The following SLX4IP variants were observed in gnomAD, a reference collection of about 807,000 sequenced individuals.
SLX4IP encodes the protein protein SLX4IP.
SLX4IP carries 34 observed loss-of-function variants against 32.9 expected under a neutral mutation model. That is an observed-to-expected ratio of 1.03 (90% CI 0.79 to 1.38). SLX4IP has a LOEUF of 1.38. SLX4IP is among the 40% of genes most tolerant of loss of function. SLX4IP has a pLI of 0.00. For synonymous variants in SLX4IP, 172 were observed against 171.7 expected (o/e 1.00, Z -0.01); for missense variants, 444 against 479.0 (o/e 0.93, Z 0.68).
At chr20:10,552,673 T>C (rs1253034586) in intron 2 of SLX4IP, among the ~76,000 whole-genome samples, 2 of 152,312 alleles carry the variant, frequency 1.3e-5, no homozygotes, top group East Asian at 3.9e-4. Context: ...ACTCAATCTG[T>C]TTATTTTCAA....
chr20:10,445,444 T>C (rs1342985817), intron 1 of SLX4IP, among the ~76,000 whole-genome samples: 1 of 150,700 alleles, frequency 6.6e-6, no homozygotes, highest in East Asian at 1.9e-4. Context: ...GCCTCCCTAG[T>C]AGCTGGGATT....
At chr20:10,485,618 CAAA>C (rs35879869) in intron 2 of SLX4IP, among the ~76,000 whole-genome samples, 2 of 137,184 alleles carry the variant, frequency 1.5e-5, no homozygotes, top group Non-Finnish European at 1.6e-5. Flanking sequence ...GAGACTCTGT[CAAA>C]AAAAAAAAAA....
chr20:10,518,490 TTTCCTTCCTTCCTTCCTTCCTTCCTTCC>T (rs201990578), intron 2 of SLX4IP, among the ~76,000 whole-genome samples: 2,187 of 65,852 alleles, frequency 0.033, 106 homozygotes, highest in African/African-American at 0.081. Flanking sequence ...TTCCTTTCCT[TTTCCTTCCTTCCTTCCTTCCTTCCTTCC>T]TTCCTTCCTT....
At chr20:10,507,647 G>C (rs1035153118) in intron 2 of SLX4IP, among the ~76,000 whole-genome samples, 2 of 152,116 alleles carry the variant, frequency 1.3e-5, no homozygotes, top group Non-Finnish European at 2.9e-5. Flanking sequence ...AAAGCAGTCA[G>C]TATTTGCAGG....
At chr20:10,602,276 C>A (rs1023721621) in intron 6 of SLX4IP, among the ~76,000 whole-genome samples, 3 of 151,412 alleles carry the variant, frequency 2.0e-5, no homozygotes, top group African/African-American at 2.4e-5. Context: ...TGATAGGGTT[C>A]ATTTTCTCCC....
rs2065934468 is a variant in SLX4IP, at chr20:10,525,610, TG to T, written c.28-30619del. On this transcript the variant is annotated intron_variant, in intron 2 of 7. Coordinates refer to ENST00000334534, the MANE Select transcript of SLX4IP (RefSeq NM_001009608.3). ...TTTTTGGCGGATTAGGGGGTGTTAA[TG>T]GTTTTCTTTGTTTCTATCACTATTT... is the stretch of plus-strand genomic sequence containing the variant. Among the ~76,000 whole-genome samples, 3 of 152,384 alleles carry T rather than the reference TG, an allele frequency of 2.0e-5. No homozygotes were observed. In the South Asian group the frequency reaches 6.2e-4, roughly 32 times the overall value.
intron 4 of SLX4IP, among the ~76,000 whole-genome samples, chr20:10,573,356 C>T (rs1460742729): frequency 2.0e-5 from 3 of 152,244 alleles, no homozygotes; most frequent in Admixed American, 6.5e-5. Flanking sequence ...GTGTTTTTCT[C>T]ACACATTAAC....
chr20:10,495,039 A>G (rs1256823240), intron 2 of SLX4IP, among the ~76,000 whole-genome samples: 2 of 152,204 alleles, frequency 1.3e-5, no homozygotes, highest in African/African-American at 2.4e-5. Context: ...TAGCTTGTTT[A>G]ATCATTCCAC....
intron 2 of SLX4IP, among the ~76,000 whole-genome samples, chr20:10,465,747 C>G (rs1395388879): frequency 6.6e-6 from 1 of 152,234 alleles, no homozygotes; most frequent in African/African-American, 2.4e-5. Flanking sequence ...TTTTAGTGAT[C>G]CGCCTGCCTC....
intron 2 of SLX4IP, among the ~76,000 whole-genome samples, chr20:10,524,081 T>G (rs1005266726): frequency 6.6e-6 from 1 of 152,174 alleles, no homozygotes; most frequent in African/African-American, 2.4e-5. Flanking sequence ...GACTCTGCAC[T>G]GGGAGGCGTA....
chr20:10,524,985 C>G (rs2065929467), intron 2 of SLX4IP, among the ~76,000 whole-genome samples: 1 of 152,142 alleles, frequency 6.6e-6, no homozygotes. Context: ...TCAGCTTCTC[C>G]CCTCTGCACC....
At chr20:10,563,684 C>T (rs1001863242) in intron 4 of SLX4IP, among the ~76,000 whole-genome samples, 8 of 152,116 alleles carry the variant, frequency 5.3e-5, no homozygotes, top group Admixed American at 3.9e-4. Flanking sequence ...TAATATGGTT[C>T]TTGGCACCTT....
chr20:10,564,925 A>G (rs2066373511), intron 4 of SLX4IP, among the ~76,000 whole-genome samples: 1 of 152,208 alleles, frequency 6.6e-6, no homozygotes, highest in African/African-American at 2.4e-5. Context: ...CAGTCCAAAA[A>G]TCAAAAAAGG....
chr20:10,618,692 A>G (rs2067067664), intron 6 of SLX4IP, among the ~76,000 whole-genome samples: 1 of 152,164 alleles, frequency 6.6e-6, no homozygotes, highest in African/African-American at 2.4e-5. Context: ...ACAAGACATG[A>G]TGGGATCATT....
Position 10,622,902 on chromosome 20 carries a change from C to T in SLX4IP, c.750C>T (p.Asp250=), listed in dbSNP as rs768086544. The T allele has an allele frequency of 1.2e-5, 20 of 1,613,944 alleles. No homozygotes were observed. Among genetic ancestry groups the T allele is most frequent in the Non-Finnish European group, 1.4e-5 (17 of 1,180,018 alleles). ...AAGTTAATCAGACCCAGCCAGAAGA[C>T]ACTAGTGGCCAGCAAAAACCTCATC... ...LEKVNQTQPE[D]TSGQQKPHPG... is the part of the protein sequence containing the mutation. Residue 250 remains aspartate, a synonymous_variant, in exon 8 of 8, where the codon GAC becomes GAT. Coordinates refer to ENST00000334534, the MANE Select transcript of SLX4IP (RefSeq NM_001009608.3).
chr20:10,591,523 A>G (rs2066710150), intron 4 of SLX4IP, among the ~76,000 whole-genome samples: 2 of 152,204 alleles, frequency 1.3e-5, no homozygotes, highest in South Asian at 4.1e-4. Context: ...TTGAACAGCT[A>G]ATAGTTCAAA....
rs552305567 is a variant in SLX4IP, at chr20:10,614,081, C to T, written c.406-7233C>T. On this transcript the variant is annotated intron_variant, in intron 6 of 7. Coordinates refer to ENST00000334534, the MANE Select transcript of SLX4IP (RefSeq NM_001009608.3). The stretch of plus-strand genomic sequence containing the variant: ...CGTCCTCCTTGTCGCCCTCGCCCAC[C>T]CGGTCCAGGTGTACCTGCAGGGACA... 66 of 1,544,540 alleles carry T rather than the reference C, an allele frequency of 4.3e-5. No individual in the cohort carries two copies. The African/African-American group carries it at 7.6e-4, about 18-fold the overall frequency.
At chr20:10,512,433 A>G (rs1341370743) in intron 2 of SLX4IP, among the ~76,000 whole-genome samples, 2 of 150,966 alleles carry the variant, frequency 1.3e-5, no homozygotes, top group Admixed American at 6.6e-5. Flanking sequence ...TTTTAAAGAG[A>G]TGGGTTTTGC....
chr20:10,602,422 T>C (rs534510932), intron 6 of SLX4IP, among the ~76,000 whole-genome samples: 70 of 152,312 alleles, frequency 4.6e-4, no homozygotes, highest in South Asian at 8.3e-4. Context: ...TTCAGACAAA[T>C]AGATAAAACT....
Sources: gnomAD v4.1 joint callset for allele counts (sites outside exome capture counted in the v4.1 genomes callset) on GRCh38, gnomAD v4.1.1 for gene constraint, MANE v1.5 for transcripts, NCBI Gene and HGNC (gene_info 2026-07-23, HGNC 2026-07-21) for gene names.